The following LOC128092252 variants were observed in gnomAD, a reference collection of about 807,000 sequenced individuals.
At chr15:50,671,133 G>A in the LOC128092252 span, among the ~76,000 whole-genome samples, 53 of 152,202 alleles carry the variant, frequency 3.5e-4, no homozygotes, top group South Asian at 1.7e-3. Context: ...TCACCATGTT[G>A]TACAGAAGAT....
chr15:50,667,121 A>T, the LOC128092252 span, among the ~76,000 whole-genome samples: 1,202 of 152,152 alleles, frequency 7.9e-3, 13 homozygotes, highest in African/African-American at 0.028. Context: ...TGCAGCATTG[A>T]TTGGCCGACT....
the LOC128092252 span, among the ~76,000 whole-genome samples, chr15:50,668,605 C>T: frequency 1.3e-5 from 2 of 152,068 alleles, no homozygotes; most frequent in East Asian, 1.9e-4. Flanking sequence ...CCTCCGGGGT[C>T]CAAGTAATTC....
At chr15:50,672,464 T>C in the LOC128092252 span, among the ~76,000 whole-genome samples, 2 of 152,008 alleles carry the variant, frequency 1.3e-5, no homozygotes, top group Non-Finnish European at 2.9e-5. Flanking sequence ...ATTCATGTTA[T>C]TGTCCCTCAA....
the LOC128092252 span, among the ~76,000 whole-genome samples, chr15:50,683,947 G>A: frequency 6.7e-6 from 1 of 150,348 alleles, no homozygotes; most frequent in East Asian, 2.0e-4. Flanking sequence ...TGCAACCTCC[G>A]CCTCCAAGTT....
At chr15:50,676,221 C>A in the LOC128092252 span, among the ~76,000 whole-genome samples, 6 of 152,134 alleles carry the variant, frequency 3.9e-5, no homozygotes, top group African/African-American at 1.2e-4. Context: ...TCCTTCCTGC[C>A]TAGATGCTGC....
At chr15:50,663,133 C>CT in the LOC128092252 span, 43,837 of 764,488 alleles carry the variant, frequency 0.057, no homozygotes, top group East Asian at 0.069. Context: ...ATAAACAGTT[C>CT]TTTTTTTTTT....
the LOC128092252 span, among the ~76,000 whole-genome samples, chr15:50,667,820 T>C: frequency 6.6e-6 from 1 of 152,200 alleles, no homozygotes; most frequent in Non-Finnish European, 1.5e-5. Context: ...AGTCCAACAG[T>C]GAAATTTGGC....
the LOC128092252 span, among the ~76,000 whole-genome samples, chr15:50,656,499 CTTT>C: frequency 4.5e-5 from 6 of 133,480 alleles, no homozygotes; most frequent in Non-Finnish European, 1.6e-5. Flanking sequence ...GTGTGGTTTT[CTTT>C]TTTTTTTTTT....
At chr15:50,679,538 A>ATTTT in the LOC128092252 span, among the ~76,000 whole-genome samples, 7 of 43,900 alleles carry the variant, frequency 1.6e-4, no homozygotes, top group African/African-American at 7.5e-4. Flanking sequence ...ATATATATAT[A>ATTTT]TTTTTTTTTT....
the LOC128092252 span, chr15:50,686,497 C>T: frequency 6.2e-7 from 1 of 1,613,962 alleles, no homozygotes; most frequent in Non-Finnish European, 8.5e-7. Flanking sequence ...AACCCCAGAA[C>T]CATTCCCCGC....
the LOC128092252 span, among the ~76,000 whole-genome samples, chr15:50,673,795 T>C: frequency 6.6e-6 from 1 of 152,172 alleles, no homozygotes; most frequent in Non-Finnish European, 1.5e-5. Flanking sequence ...AGATACCCAG[T>C]AGTGGGACTG....
At chr15:50,673,496 C>T in the LOC128092252 span, among the ~76,000 whole-genome samples, 2 of 152,134 alleles carry the variant, frequency 1.3e-5, no homozygotes, top group Non-Finnish European at 2.9e-5. Context: ...GCTCAGCTCC[C>T]ACTTATGAGT....
At chr15:50,653,545 A>G in the LOC128092252 span, among the ~76,000 whole-genome samples, 4 of 152,316 alleles carry the variant, frequency 2.6e-5, no homozygotes, top group East Asian at 7.7e-4. Context: ...AAGAAACACG[A>G]AGCTGTGATC....
At chr15:50,657,664 T>A in the LOC128092252 span, 1 of 873,064 alleles carries the variant, frequency 1.1e-6, no homozygotes, top group South Asian at 1.8e-5. Flanking sequence ...CTAGGTAAAG[T>A]ACCCATCAAA....
the LOC128092252 span, among the ~76,000 whole-genome samples, chr15:50,684,698 T>C: frequency 6.6e-6 from 1 of 151,904 alleles, no homozygotes; most frequent in Non-Finnish European, 1.5e-5. Context: ...TACATGACAC[T>C]ACAGGGATGC....
chr15:50,675,680 T>C, the LOC128092252 span, among the ~76,000 whole-genome samples: 1 of 152,370 alleles, frequency 6.6e-6, no homozygotes, highest in Non-Finnish European at 1.5e-5. Context: ...CCTAGTTTTA[T>C]ACACTTTGCT....
the LOC128092252 span, among the ~76,000 whole-genome samples, chr15:50,679,511 A>ATATATATGTGTATATATATTATATAT: frequency 4.0e-5 from 3 of 75,438 alleles, no homozygotes; most frequent in African/African-American, 2.1e-4. Flanking sequence ...GTATATATAT[A>ATATATATGTGTATATATATTATATAT]ATATATATAT....
the LOC128092252 span, among the ~76,000 whole-genome samples, chr15:50,683,993 G>A: frequency 6.6e-6 from 1 of 151,474 alleles, no homozygotes; most frequent in Non-Finnish European, 1.5e-5. Flanking sequence ...ACGAGTAGCT[G>A]GGATTACAGG....
At chr15:50,662,326 C>CA in the LOC128092252 span, among the ~76,000 whole-genome samples, 26,737 of 124,472 alleles carry the variant, frequency 0.21, 2,889 homozygotes, top group African/African-American at 0.34. Context: ...GACTCTGTTC[C>CA]AAAAAAAAAA....
Sources: gnomAD v4.1 joint callset for allele counts (sites outside exome capture counted in the v4.1 genomes callset) on GRCh38, gnomAD v4.1.1 for gene constraint, MANE v1.5 for transcripts.